The following COL16A1 variants were observed in gnomAD, a reference collection of about 807,000 sequenced individuals.
COL16A1 encodes collagen alpha-1(XVI) chain.
A neutral mutation model predicts 266.3 loss-of-function variants in COL16A1; 189 were observed. The observed-to-expected ratio is 0.71, with a 90% CI of 0.63 to 0.80. The LOEUF is 0.80. COL16A1 is among the 30% of genes least tolerant of loss of function. COL16A1 has a pLI of 0.00. For synonymous variants in COL16A1, 740 were observed against 782.3 expected (o/e 0.95, Z 0.90); for missense variants, 1,928 against 2,122.4 (o/e 0.91, Z 1.80).
chr1:31,689,239 T>A, intron 23 of COL16A1, 154 bp from the exon 24 acceptor site: 1 of 1,244,266 alleles, frequency 8.0e-7, no homozygotes, highest in Non-Finnish European at 1.1e-6. Flanking sequence ...AGAGGCAGGG[T>A]TCATCAACCC....
At chr1:31,655,778 G>T in intron 66 of COL16A1, 1 of 485,172 alleles carries the variant, frequency 2.1e-6, no homozygotes. Context: ...TTCATTATGT[G>T]GTCCTGATCG....
chr1:31,684,684 G>GC lies in COL16A1; in HGVS notation c.2053-55dup, dbSNP rs34023104. ...AGGATGGCCCAGCCGGGGGCAGGTT[G>GC]CCCCCCTGGGACTCGCAGGCACTCA... On this transcript the variant is annotated intron_variant, in intron 30 of 70. Transcript: ENST00000373672. 4.7e-4 allele frequency: 759 copies of GC among 1,607,506 alleles called. 1 individual carries two copies. Among genetic ancestry groups the GC allele is most frequent in the Middle Eastern group, 1.8e-3 (11 of 6,032 alleles).
At position 31,695,987 on chromosome 1, in the gene COL16A1, C is replaced by T. The variant is rs76573904; in HGVS notation, c.918+101G>A. Reference sequence around the variant, plus strand: ...AGCTCTGTCCAGGAGGTGGGAAAGGCGGGAGGAGAGTGGGAGTGGAGCACC... The same window carrying T: ...AGCTCTGTCCAGGAGGTGGGAAAGGTGGGAGGAGAGTGGGAGTGGAGCACC... On this transcript the variant is annotated intron_variant, in intron 9 of 70. Coordinates refer to ENST00000373672, the MANE Select transcript of COL16A1 (RefSeq NM_001856.4). The T allele has an allele frequency of 5.1e-5, 59 of 1,146,778 alleles. No individual in the cohort carries two copies. The East Asian group carries it at 8.0e-4, about 16-fold the overall frequency. 71.0% of individuals were successfully genotyped at this position (1,146,778 alleles called of 1,614,324 possible).
rs142592187 is a variant in COL16A1, at chr1:31,685,594, G to T, written c.2016+45C>A. 1.5e-6 allele frequency: 2 copies of T among 1,318,390 alleles called. No homozygotes were observed. The highest frequency in any genetic ancestry group is 3.1e-5 in the African/African-American group (2 of 63,850). 81.7% of individuals were successfully genotyped at this position (1,318,390 alleles called of 1,614,324 possible). On this transcript the variant is annotated intron_variant, in intron 29 of 70. Coordinates refer to ENST00000373672, the MANE Select transcript of COL16A1 (RefSeq NM_001856.4). This position sits in a 1 kb window ranked among gnomAD's most constrained non-coding sequence, Gnocchi z 4.0. ...GGACCCCTCCCCTCTCCTTAGCCCC[G>T]CCTGCATCCCCCGTCCAGAGGCCCC...
intron 8 of COL16A1, among the ~76,000 whole-genome samples, chr1:31,696,650 G>A (rs1486518391): frequency 1.3e-5 from 2 of 152,222 alleles, no homozygotes; most frequent in South Asian, 2.1e-4. Context: ...GGCTTTGAGG[G>A]ACAAGCCTGG....
At chr1:31,694,108 G>A in intron 12 of COL16A1, 36 bp downstream of exon 12, 2 of 1,591,080 alleles carry the variant, frequency 1.3e-6, no homozygotes, top group Non-Finnish European at 1.7e-6. Flanking sequence ...GGATGCTAAA[G>A]AGGACGGGAA....
intron 41 of COL16A1, 53 bp downstream of exon 41, chr1:31,679,751 T>A (rs1183552166): frequency 6.2e-7 from 1 of 1,602,510 alleles, no homozygotes; most frequent in African/African-American, 1.3e-5. Flanking sequence ...AGCAGCTGTT[T>A]AGGGTGGACA....
intron 32 of COL16A1, 39 bp downstream of exon 32, chr1:31,684,070 A>C (rs1416631678): frequency 6.2e-7 from 1 of 1,612,230 alleles, no homozygotes; most frequent in Non-Finnish European, 8.5e-7. Context: ...AGAGGAGGCA[A>C]AGCCCAGGCA....
At chr1:31,677,849 C>T (rs141384600) in intron 42 of COL16A1, among the ~76,000 whole-genome samples, 189 of 152,302 alleles carry the variant, frequency 1.2e-3, no homozygotes, top group African/African-American at 4.2e-3. Flanking sequence ...GGACCAGACT[C>T]AGCAGTCACT....
intron 68 of COL16A1, among the ~76,000 whole-genome samples, chr1:31,654,515 G>A (rs1265873421): frequency 1.3e-5 from 2 of 152,170 alleles, no homozygotes; most frequent in East Asian, 3.9e-4. Flanking sequence ...CTCACTTCAG[G>A]CAGACTCGTT....
rs367587750 is a variant in COL16A1, at chr1:31,683,217, G to A, written c.2446C>T (p.Pro816Ser). ...GLPGPRGPPG[P>S]TGEKGAQGSP... Reference sequence around the variant, plus strand: ...ACCTGGGCACCCTTCTCTCCAGTGGGGCCAGGTGGTCCCCGAGGTCCCGGA... The same window carrying A: ...ACCTGGGCACCCTTCTCTCCAGTGGAGCCAGGTGGTCCCCGAGGTCCCGGA... Residue 816 changes from proline (P) to serine (S), a missense_variant, in exon 36 of 71, where the codon CCC becomes TCC. Pro to Ser is a moderately conservative substitution (Grantham distance 74). Transcript: ENST00000373672. The A allele has an allele frequency of 2.0e-5, 32 of 1,613,962 alleles. No homozygotes were observed. The highest frequency in any genetic ancestry group is 2.5e-5 in the Non-Finnish European group (29 of 1,180,014).
intron 15 of COL16A1, 43 bp downstream of exon 15, chr1:31,692,555 C>T: frequency 6.2e-7 from 1 of 1,614,024 alleles, no homozygotes; most frequent in South Asian, 1.1e-5. Flanking sequence ...AAGGCTGGGC[C>T]CTGGACCCAC....
chr1:31,675,378 T>C lies in COL16A1; in HGVS notation c.2773-67A>G, dbSNP rs1005921060. 2.6e-5 allele frequency: 41 copies of C among 1,578,952 alleles called. No homozygotes were observed. The South Asian group carries it at 4.0e-4, about 16-fold the overall frequency. On this transcript the variant is annotated intron_variant, in intron 42 of 70. Transcript: ENST00000373672. ...CTAGCCTGCTGGTCAGCCTGTTTCCTTCTCATCATCCCCGCCTCCTCTTCC... is the reference window on the plus strand; with the variant it reads ...CTAGCCTGCTGGTCAGCCTGTTTCCCTCTCATCATCCCCGCCTCCTCTTCC...
chr1:31,659,954 C>CTTTTTTTTTT (rs386366633), intron 62 of COL16A1: 9 of 97,032 alleles, frequency 9.3e-5, no homozygotes, highest in Non-Finnish European at 1.7e-4. Context: ...CCTGAGAGTT[C>CTTTTTTTTTT]TTTTTTTTTT....
Position 31,665,627 on chromosome 1 carries a change from A to C in COL16A1, c.3457-9T>G. ...GGCTGGCCTTGAAATCCCTAGGGTG[A>C]GAAGCAAGGGGCAGTGTGCTGTGCC... On this transcript the variant is annotated splice_polypyrimidine_tract_variant and intron_variant, in intron 54 of 70. Coordinates refer to ENST00000373672, the MANE Select transcript of COL16A1 (RefSeq NM_001856.4). The C allele has an allele frequency of 6.2e-7, 1 of 1,613,088 alleles. No individual in the cohort carries two copies. Among genetic ancestry groups the C allele is most frequent in the Non-Finnish European group, 8.5e-7 (1 of 1,179,558 alleles).
intron 48 of COL16A1, among the ~76,000 whole-genome samples, 177 bp downstream of exon 48, chr1:31,671,438 T>G (rs1313123565): frequency 6.6e-6 from 1 of 152,096 alleles, no homozygotes; most frequent in Non-Finnish European, 1.5e-5. Context: ...TTCCAGGGCA[T>G]CCGGTGGTGG....
chr1:31,673,233 A>C (rs562071615), intron 44 of COL16A1: 2 of 322,060 alleles, frequency 6.2e-6, no homozygotes, highest in Non-Finnish European at 1.2e-5. Context: ...TCTCTGCCCA[A>C]GGGAGCAAAG....
In COL16A1 at chr1:31,668,026, G is replaced by A. The variant is rs1321929264; in HGVS notation, c.3303+139C>T. 4 of 705,304 alleles carry A rather than the reference G, an allele frequency of 5.7e-6. No homozygotes were observed. The highest frequency in any genetic ancestry group is 9.5e-6 in the Non-Finnish European group (4 of 421,208). The allele number at this position is 705,304 out of a possible 1,614,324, so 43.7% of individuals were successfully genotyped here. ...TACAGTGGGGAGAGGGGGCTGCATG[G>A]ACTTTAGGCAAAGGAGGAGGCTGAA... On this transcript the variant is annotated intron_variant, in intron 51 of 70. Coordinates refer to ENST00000373672, the MANE Select transcript of COL16A1 (RefSeq NM_001856.4). This position sits in a 1 kb window ranked among gnomAD's most constrained non-coding sequence, Gnocchi z 5.8.
chr1:31,684,815 T>C lies in COL16A1; in HGVS notation c.2052+6A>G. 6.2e-7 allele frequency: 1 copy of C among 1,613,976 alleles called. No homozygotes were observed. The highest frequency in any genetic ancestry group is 1.1e-5 in the South Asian group (1 of 91,080). On this transcript the variant is annotated splice_donor_region_variant and intron_variant, in intron 30 of 70. Transcript: ENST00000373672. Reference sequence around the variant, plus strand: ...CCCACCCCCGTGCCCACGGACGCCCTCTCACCTTCTGCCCCTTCAGTCCAC... The same window carrying C: ...CCCACCCCCGTGCCCACGGACGCCCCCTCACCTTCTGCCCCTTCAGTCCAC...
Sources: gnomAD v4.1 joint callset for allele counts (sites outside exome capture counted in the v4.1 genomes callset) on GRCh38, gnomAD v4.1.1 for gene constraint, Gnocchi (gnomAD v3.1) non-coding constraint, MANE v1.5 for transcripts, NCBI Gene and HGNC (gene_info 2026-07-23, HGNC 2026-07-21) for gene names.